Variants in SYNDIG1 observed in about 807,000 individuals in gnomAD.
SYNDIG1 encodes synapse differentiation-inducing gene protein 1.
A neutral mutation model predicts 19.4 loss-of-function variants in SYNDIG1; 9 were observed. The observed-to-expected ratio is 0.46, with a 90% CI of 0.28 to 0.81. SYNDIG1 has a LOEUF of 0.81. SYNDIG1 is among the 30% of genes least tolerant of loss of function. SYNDIG1 has a pLI of 0.12. For missense variants in SYNDIG1, 311 were observed against 343.3 expected (o/e 0.91, Z 0.74); for synonymous variants, 141 against 145.9 (o/e 0.97, Z 0.24).
chr20:24,630,026 C>A (rs998160190), intron 3 of SYNDIG1, among the ~76,000 whole-genome samples: 2 of 152,200 alleles, frequency 1.3e-5, no homozygotes, highest in African/African-American at 4.8e-5. Flanking sequence ...GCATGGACCA[C>A]CTGTGTGACT....
intron 1 of SYNDIG1, among the ~76,000 whole-genome samples, chr20:24,515,412 A>G (rs2056840671): frequency 6.6e-6 from 1 of 152,328 alleles, no homozygotes; most frequent in South Asian, 2.1e-4. Context: ...CTGTTTGCAG[A>G]TGACATGATG....
In SYNDIG1 at chr20:24,552,153, G is replaced by A. The variant is rs1052545242; in HGVS notation, c.480+8576G>A. ...GTTTTGGGGCTCCGTTGTTAAGAGT[G>A]TGTACATTTATAATTGTTATATCTT... On this transcript the variant is annotated intron_variant, in intron 2 of 3. Transcript: ENST00000376862. 4.6e-4 allele frequency among the ~76,000 whole-genome samples: 70 copies of A among 152,214 alleles called. 1 individual carries two copies. The highest frequency in any genetic ancestry group is 1.7e-3 in the African/African-American group (69 of 41,524).
At chr20:24,611,633 T>A (rs2058849914) in intron 3 of SYNDIG1, among the ~76,000 whole-genome samples, 1 of 151,024 alleles carries the variant, frequency 6.6e-6, no homozygotes, top group Non-Finnish European at 1.5e-5. Flanking sequence ...TCTCCTCCCA[T>A]GCCACCCCTC....
At chr20:24,661,720 G>A (rs1308196649) in intron 3 of SYNDIG1, among the ~76,000 whole-genome samples, 6 of 151,974 alleles carry the variant, frequency 3.9e-5, no homozygotes, top group East Asian at 1.9e-4. Flanking sequence ...GGGGAGACAC[G>A]AGGGGACTGG....
intron 3 of SYNDIG1, among the ~76,000 whole-genome samples, chr20:24,633,932 C>T (rs1403735193): frequency 6.6e-6 from 1 of 152,222 alleles, no homozygotes; most frequent in East Asian, 1.9e-4. Context: ...CCCAGGTCAC[C>T]TGCATCCGCC....
At chr20:24,640,720 G>T (rs895225313) in intron 3 of SYNDIG1, among the ~76,000 whole-genome samples, 1 of 152,158 alleles carries the variant, frequency 6.6e-6, no homozygotes, top group Non-Finnish European at 1.5e-5. Context: ...AAAACTTGTG[G>T]AAGCTCACTG....
chr20:24,483,486 A>G (rs114281626), intron 1 of SYNDIG1, among the ~76,000 whole-genome samples: 1 of 152,164 alleles, frequency 6.6e-6, no homozygotes, highest in Non-Finnish European at 1.5e-5. Context: ...CCCACGTCCT[A>G]TGCCCAGAGC....
intron 3 of SYNDIG1, among the ~76,000 whole-genome samples, chr20:24,606,394 G>A (rs1341853368): frequency 2.6e-5 from 4 of 152,184 alleles, no homozygotes; most frequent in African/African-American, 9.7e-5. Context: ...CTATTTCACT[G>A]AATTCTAATA....
At chr20:24,591,096 G>A (rs2058503840) in intron 3 of SYNDIG1, among the ~76,000 whole-genome samples, 1 of 151,992 alleles carries the variant, frequency 6.6e-6, no homozygotes, top group African/African-American at 2.4e-5. Flanking sequence ...GTGTGTGTGT[G>A]TGTGTGTGTG....
chr20:24,588,577 C>T lies in SYNDIG1; in HGVS notation c.618+3584C>T, dbSNP rs374556654. Among the ~76,000 whole-genome samples the T allele has an allele frequency of 8.5e-5, 13 of 152,308 alleles. No individual in the cohort carries two copies. In the East Asian group the frequency reaches 2.3e-3, roughly 27 times the overall value. On this transcript the variant is annotated intron_variant, in intron 3 of 3. Transcript: ENST00000376862. Reference sequence around the variant, plus strand: ...GGAATCTGCATTTTGAGGAGGCCTCCAGCTCCTCATGGATGCTGCTGCCAT... The same window carrying T: ...GGAATCTGCATTTTGAGGAGGCCTCTAGCTCCTCATGGATGCTGCTGCCAT...
At chr20:24,587,732 T>C (rs547989461) in intron 3 of SYNDIG1, among the ~76,000 whole-genome samples, 1 of 152,298 alleles carries the variant, frequency 6.6e-6, no homozygotes, top group East Asian at 1.9e-4. Flanking sequence ...CCTGCTGCCT[T>C]GTTGGGTCAA....
rs549076366 is a variant in SYNDIG1 at position 24,557,464 on chromosome 20, G to A, written c.480+13887G>A. ...TCTACTTTTGGTCTTTGATGATGGT[G>A]ATGTACAGATGGGTTTTTGGTGTGG... On this transcript the variant is annotated intron_variant, in intron 2 of 3. Coordinates refer to ENST00000376862, the MANE Select transcript of SYNDIG1 (RefSeq NM_024893.3). 3.9e-5 allele frequency among the ~76,000 whole-genome samples: 6 copies of A among 152,212 alleles called. No individual in the cohort carries two copies. In the South Asian group the frequency reaches 1.2e-3, roughly 32 times the overall value.
chr20:24,567,456 A>G (rs570795999), intron 2 of SYNDIG1, among the ~76,000 whole-genome samples: 1 of 152,222 alleles, frequency 6.6e-6, no homozygotes, highest in East Asian at 1.9e-4. Flanking sequence ...GGACATCCCC[A>G]GCATCTCCAC....
At chr20:24,484,815 AGTATGAATTATTTGT>A (rs775223572) in intron 1 of SYNDIG1, among the ~76,000 whole-genome samples, 36 of 152,182 alleles carry the variant, frequency 2.4e-4, no homozygotes, top group Admixed American at 1.2e-3. Flanking sequence ...CTATGGCTTG[AGTATGAATTATTTGT>A]TCCCACCAAA....
chr20:24,502,604 G>A (rs961744190), intron 1 of SYNDIG1, among the ~76,000 whole-genome samples: 2 of 152,214 alleles, frequency 1.3e-5, no homozygotes, highest in African/African-American at 4.8e-5. Context: ...GACCCTGGCA[G>A]CTATTTCAGT....
chr20:24,548,808 G>A (rs1457522895), intron 2 of SYNDIG1, among the ~76,000 whole-genome samples: 1 of 152,130 alleles, frequency 6.6e-6, no homozygotes, highest in Admixed American at 6.5e-5. Flanking sequence ...GGAGCTTTTA[G>A]CTTTCATGAT....
chr20:24,569,539 G>T (rs972470230), intron 2 of SYNDIG1, among the ~76,000 whole-genome samples: 1 of 152,158 alleles, frequency 6.6e-6, no homozygotes, highest in South Asian at 2.1e-4. Flanking sequence ...CTAGGAAGGG[G>T]TAGGTCAAAA....
intron 3 of SYNDIG1, among the ~76,000 whole-genome samples, chr20:24,593,652 C>A (rs1036948437): frequency 1.3e-5 from 2 of 152,226 alleles, no homozygotes; most frequent in Non-Finnish European, 2.9e-5. Flanking sequence ...TACACTTCCA[C>A]CAGCAGTGTA....
intron 1 of SYNDIG1, among the ~76,000 whole-genome samples, chr20:24,500,442 G>A (rs547966026): frequency 6.6e-6 from 1 of 151,986 alleles, no homozygotes; most frequent in African/African-American, 2.4e-5. Flanking sequence ...TAGAGAGTTG[G>A]CTGTTTCTAG....
Sources: gnomAD v4.1 joint callset for allele counts (sites outside exome capture counted in the v4.1 genomes callset) on GRCh38, gnomAD v4.1.1 for gene constraint, MANE v1.5 for transcripts, NCBI Gene and HGNC (gene_info 2026-07-23, HGNC 2026-07-21) for gene names.